Variants in SPATA18 observed in about 807,000 individuals in gnomAD.
The protein encoded by SPATA18 is spermatogenesis associated 18.
In SPATA18, 54 loss-of-function variants were observed where a neutral mutation model predicts 68.1. That is an observed-to-expected ratio of 0.79 (90% CI 0.64 to 0.99). SPATA18 has a LOEUF of 0.99. Ranked by LOEUF, SPATA18 falls within the 50% of genes least tolerant of loss-of-function variation. The pLI is 0.00. For missense variants in SPATA18, 724 were observed against 681.1 expected, an observed-to-expected ratio of 1.06 and a Z score of -0.70; for synonymous variants, 242 against 244.8, an observed-to-expected ratio of 0.99 and a Z score of 0.11.
intron 5 of SPATA18, among the ~76,000 whole-genome samples, chr4:52,070,200 A>T (rs1739683513): frequency 6.6e-6 from 1 of 152,026 alleles, no homozygotes; most frequent in Admixed American, 6.6e-5. Flanking sequence ...TTAAAAATAG[A>T]GTGGAGACTA....
chr4:52,085,004 A>C lies in SPATA18; in HGVS notation c.1563+5A>C. The C allele has an allele frequency of 6.2e-7, 1 of 1,604,190 alleles. No individual in the cohort carries two copies. The highest frequency in any genetic ancestry group is 8.5e-7 in the Non-Finnish European group (1 of 1,174,804). ...AGCCAAATTGGTTTAAACACGGTAC[A>C]TATCTATCTAATCATTTTTACACAA... On this transcript the variant is annotated splice_donor_5th_base_variant and intron_variant, in intron 11 of 12. Coordinates refer to ENST00000295213, the MANE Select transcript of SPATA18 (RefSeq NM_145263.4).
At chr4:52,086,804 T>C (rs2109520994) in intron 11 of SPATA18, among the ~76,000 whole-genome samples, 1 of 152,304 alleles carries the variant, frequency 6.6e-6, no homozygotes, top group African/African-American at 2.4e-5. Flanking sequence ...CTGGGTCAAA[T>C]GGTATTTCCA....
chr4:52,088,538 A>C (rs1455896407), intron 11 of SPATA18, among the ~76,000 whole-genome samples: 1 of 152,182 alleles, frequency 6.6e-6, no homozygotes, highest in Non-Finnish European at 1.5e-5. Flanking sequence ...TATTAAGATA[A>C]TCATGTGGTT....
rs145268739 is a variant in SPATA18 at position 52,095,246 on chromosome 4, T to C, written c.*359T>C. The C allele has an allele frequency of 3.7e-6, 1 of 267,668 alleles. No homozygotes were observed. The highest frequency in any genetic ancestry group is 9.9e-5 in the South Asian group (1 of 10,090). The allele number at this position is 267,668 out of a possible 1,614,324, so 16.6% of individuals were successfully genotyped here. A position where few individuals can be genotyped will look rare whatever the true frequency, so the allele number is the denominator to read the frequency against. ...GAACTGAAGTGGAAAGCATCTACCA[T>C]GCTGAGGCTAAAAGAAAAGATGAAT... On this transcript the variant is annotated 3_prime_UTR_variant, in exon 13 of 13. Coordinates refer to ENST00000295213, the MANE Select transcript of SPATA18 (RefSeq NM_145263.4).
chr4:52,069,965 C>CT, intron 5 of SPATA18, 49 bp downstream of exon 5: 4 of 1,346,202 alleles, frequency 3.0e-6, no homozygotes, highest in South Asian at 3.1e-5. Context: ...TTGAATTTAG[C>CT]TTTTTTGGTG....
intron 1 of SPATA18, among the ~76,000 whole-genome samples, chr4:52,053,089 A>G (rs950372389): frequency 5.3e-5 from 8 of 152,152 alleles, no homozygotes; most frequent in Non-Finnish European, 2.9e-5. Context: ...ACATGTATAC[A>G]GTATTTACCC....
At chr4:52,089,118 CAGTGATG>C (rs1741713945) in intron 11 of SPATA18, among the ~76,000 whole-genome samples, 1 of 151,930 alleles carries the variant, frequency 6.6e-6, no homozygotes, top group Non-Finnish European at 1.5e-5. Context: ...TCTGTGGGAT[CAGTGATG>C]ATACCCCTCT....
At chr4:52,060,942 T>TA in intron 3 of SPATA18, 45 bp downstream of exon 3, 1 of 1,511,182 alleles carries the variant, frequency 6.6e-7, no homozygotes, top group Non-Finnish European at 9.2e-7. Context: ...AACAGTGAGA[T>TA]AAAACGAATC....
intron 6 of SPATA18, among the ~76,000 whole-genome samples, chr4:52,072,684 G>A (rs1739967966): frequency 6.6e-6 from 1 of 152,192 alleles, no homozygotes. Context: ...GGGATTACAG[G>A]CATGAGCCAC....
chr4:52,058,652 G>C (rs1159735781), intron 1 of SPATA18, among the ~76,000 whole-genome samples: 2 of 152,010 alleles, frequency 1.3e-5, no homozygotes, highest in African/African-American at 4.8e-5. Context: ...AATACTCAAG[G>C]GTCCCCTCCA....
In SPATA18 at chr4:52,084,913, A is replaced by C; in HGVS notation, c.1480-3A>C. 1 of 1,613,694 alleles carries C rather than the reference A, an allele frequency of 6.2e-7. No homozygotes were observed. Among genetic ancestry groups the C allele is most frequent in the Non-Finnish European group, 8.5e-7 (1 of 1,179,792 alleles). ...GTCTCTCTCTTTCTCTCTCTTTTTT[A>C]AGTGGAATTCGGTGCGATCTGTAAG... On this transcript the variant is annotated splice_region_variant and splice_polypyrimidine_tract_variant and intron_variant, in intron 10 of 12. Transcript: ENST00000295213.
chr4:52,083,731 A>C (rs1326218004), intron 10 of SPATA18, among the ~76,000 whole-genome samples: 2 of 147,330 alleles, frequency 1.4e-5, no homozygotes, highest in Admixed American at 1.4e-4. Context: ...ATGACAGAGT[A>C]AGATCCTGTC....
chr4:52,076,119 G>A (rs1740317544), intron 6 of SPATA18, among the ~76,000 whole-genome samples: 1 of 152,162 alleles, frequency 6.6e-6, no homozygotes, highest in African/African-American at 2.4e-5. Context: ...TGTACTAGTG[G>A]TATATGTAAC....
chr4:52,063,581 A>G (rs554983337), intron 4 of SPATA18, among the ~76,000 whole-genome samples: 65 of 152,330 alleles, frequency 4.3e-4, no homozygotes, highest in African/African-American at 1.3e-3. Flanking sequence ...AAGGTCACAC[A>G]GTCATTTTTG....
At position 52,062,083 on chromosome 4, in the gene SPATA18, G is replaced by A. The variant is rs1578153459; in HGVS notation, c.310-137G>A. ...ATTTTTATCACTCTAGATTAATTTT[G>A]CCTGTACTAGAACTTCATGTGCATG... On this transcript the variant is annotated intron_variant, in intron 3 of 12. Coordinates refer to ENST00000295213, the MANE Select transcript of SPATA18 (RefSeq NM_145263.4). The A allele has an allele frequency of 1.5e-5, 8 of 551,410 alleles. No individual in the cohort carries two copies. In the South Asian group the frequency reaches 1.9e-4, roughly 13 times the overall value. 34.2% of individuals were successfully genotyped at this position (551,410 alleles called of 1,614,324 possible).
At chr4:52,059,125 T>A (rs1303299488) in intron 1 of SPATA18, among the ~76,000 whole-genome samples, 1 of 152,232 alleles carries the variant, frequency 6.6e-6, no homozygotes, top group Non-Finnish European at 1.5e-5. Flanking sequence ...AGGCCCAGTC[T>A]CTGTCCTCAA....
chr4:52,089,367 T>C (rs745400682), intron 11 of SPATA18, among the ~76,000 whole-genome samples: 1 of 152,224 alleles, frequency 6.6e-6, no homozygotes, highest in Non-Finnish European at 1.5e-5. Context: ...GTTCTTTTAA[T>C]TTTGATGTTA....
chr4:52,078,717 C>T lies in SPATA18; in HGVS notation c.1021-18C>T. 1 of 1,507,850 alleles carries T rather than the reference C, an allele frequency of 6.6e-7. No homozygotes were observed. Among genetic ancestry groups the T allele is most frequent in the Non-Finnish European group, 9.0e-7 (1 of 1,110,750 alleles). 93.4% of individuals were successfully genotyped at this position (1,507,850 alleles called of 1,614,324 possible). ...TACCTCTTTTCACCAAATAAATTTG[C>T]TGCATTTTTATGTGCAGGAGGCATT... On this transcript the variant is annotated intron_variant, in intron 7 of 12. Coordinates refer to ENST00000295213, the MANE Select transcript of SPATA18 (RefSeq NM_145263.4).
intron 8 of SPATA18, among the ~76,000 whole-genome samples, chr4:52,079,349 C>T (rs1740705618): frequency 6.6e-6 from 1 of 152,130 alleles, no homozygotes; most frequent in South Asian, 2.1e-4. Flanking sequence ...TAGCACAAGA[C>T]ATGGCACATA....
Sources: gnomAD v4.1 joint callset for allele counts (sites outside exome capture counted in the v4.1 genomes callset) on GRCh38, gnomAD v4.1.1 for gene constraint, MANE v1.5 for transcripts, NCBI Gene and HGNC (gene_info 2026-07-23, HGNC 2026-07-21) for gene names.